Variants in PRKN observed in about 807,000 individuals in gnomAD.
The protein encoded by PRKN is parkin RBR E3 ubiquitin protein ligase, also known as E3 ubiquitin-protein ligase parkin.
Under a neutral mutation model 59.5 loss-of-function variants are expected in PRKN, and 56 were observed. That is an observed-to-expected ratio of 0.94 (90% CI 0.76 to 1.18). The LOEUF (loss-of-function observed/expected upper bound fraction) is 1.18. PRKN is among the 50% of genes most tolerant of loss of function. The probability of loss-of-function intolerance (pLI) is 0.00; values close to 1 mark genes in which losing one functional copy is unlikely to be tolerated. For synonymous variants in PRKN, 250 were observed against 222.1 expected (o/e 1.13, Z -1.12); for missense variants, 657 against 596.4 (o/e 1.10, Z -1.06).
At chr6:161,453,192 C>T (rs916982871) in intron 9 of PRKN, among the ~76,000 whole-genome samples, 2 of 152,108 alleles carry the variant, frequency 1.3e-5, no homozygotes, top group Admixed American at 6.5e-5. Context: ...AGCCTTGAAC[C>T]AGTGAACAGT....
intron 4 of PRKN, among the ~76,000 whole-genome samples, chr6:162,065,822 T>C (rs1490268528): frequency 6.6e-6 from 1 of 152,162 alleles, no homozygotes. Flanking sequence ...CACGCGGTGT[T>C]TGATTTTCTG....
intron 7 of PRKN, among the ~76,000 whole-genome samples, chr6:161,779,264 T>G (rs1790085294): frequency 6.6e-6 from 1 of 152,014 alleles, no homozygotes; most frequent in Admixed American, 6.6e-5. Flanking sequence ...ATAAGATTCA[T>G]AGACATTGAT....
At chr6:162,368,027 G>T (rs1243872012) in intron 2 of PRKN, among the ~76,000 whole-genome samples, 1 of 152,156 alleles carries the variant, frequency 6.6e-6, no homozygotes, top group Non-Finnish European at 1.5e-5. Flanking sequence ...GGGAAGGGTA[G>T]AAAAGAGAAA....
intron 2 of PRKN, among the ~76,000 whole-genome samples, chr6:162,339,181 A>G (rs1289922477): frequency 6.1e-5 from 8 of 131,050 alleles, no homozygotes; most frequent in Middle Eastern, 5.2e-3. Flanking sequence ...CCCGGCAGCC[A>G]CCCCATCTGG....
chr6:161,556,584 A>G (rs1780247754), intron 8 of PRKN, among the ~76,000 whole-genome samples: 1 of 152,228 alleles, frequency 6.6e-6, no homozygotes, highest in African/African-American at 2.4e-5. Context: ...ACAAACTAGC[A>G]CTAATACAGA....
chr6:162,634,419 A>G (rs2128223216), intron 1 of PRKN, among the ~76,000 whole-genome samples: 1 of 152,226 alleles, frequency 6.6e-6, no homozygotes, highest in African/African-American at 2.4e-5. Context: ...CTCAAACCAC[A>G]GCTGCTAGGA....
intron 4 of PRKN, among the ~76,000 whole-genome samples, chr6:162,161,227 C>A (rs887610845): frequency 6.6e-6 from 1 of 152,138 alleles, no homozygotes; most frequent in Non-Finnish European, 1.5e-5. Flanking sequence ...GGATGCGATC[C>A]CCAGAAATCT....
intron 4 of PRKN, among the ~76,000 whole-genome samples, chr6:162,083,453 T>C (rs1779138119): frequency 6.6e-6 from 1 of 152,094 alleles, no homozygotes; most frequent in Non-Finnish European, 1.5e-5. Context: ...TGAAGTGACA[T>C]GCAATAAAGT....
intron 1 of PRKN, among the ~76,000 whole-genome samples, chr6:162,673,714 A>G (rs1403305388): frequency 6.6e-6 from 1 of 152,172 alleles, no homozygotes; most frequent in African/African-American, 2.4e-5. Flanking sequence ...AAATCAAAGT[A>G]AGAGAAAAAA....
intron 9 of PRKN, among the ~76,000 whole-genome samples, chr6:161,427,985 C>A (rs1324326200): frequency 6.6e-6 from 1 of 152,106 alleles, no homozygotes; most frequent in East Asian, 1.9e-4. Context: ...CGGGGATGGG[C>A]TCAGAGGGTC....
At chr6:162,397,089 C>T (rs888032472) in intron 2 of PRKN, among the ~76,000 whole-genome samples, 3 of 152,130 alleles carry the variant, frequency 2.0e-5, no homozygotes, top group South Asian at 2.1e-4. Flanking sequence ...AAGAAAGAGG[C>T]CTTCTCTTCC....
intron 9 of PRKN, among the ~76,000 whole-genome samples, chr6:161,415,680 A>G (rs1787818276): frequency 7.1e-6 from 1 of 141,526 alleles, no homozygotes; most frequent in African/African-American, 2.6e-5. Flanking sequence ...GCAATAGTCT[A>G]ATCTCTCCTG....
In PRKN at chr6:161,475,154, G is replaced by A. The variant is rs1438750356; in HGVS notation, c.1083+73700C>T. Among the ~76,000 whole-genome samples the A allele has an allele frequency of 1.1e-4, 17 of 152,220 alleles. No homozygotes were observed. The highest frequency in any genetic ancestry group is 7.4e-5 in the Non-Finnish European group (5 of 68,020). On this transcript the variant is annotated intron_variant, in intron 9 of 11. Transcript: ENST00000366898. This position sits in a 1 kb window ranked among gnomAD's most constrained non-coding sequence, Gnocchi z 5.3. Reference sequence around the variant, plus strand: ...TCATGATCTGCCTGCCTCTCAAAGCGCTGGGATTGCAGGCATAAGCCACCA... The same window carrying A: ...TCATGATCTGCCTGCCTCTCAAAGCACTGGGATTGCAGGCATAAGCCACCA...
intron 1 of PRKN, chr6:162,568,888 T>G (rs992103331): frequency 1.9e-5 from 13 of 694,190 alleles, no homozygotes; most frequent in Non-Finnish European, 3.2e-5. Flanking sequence ...GAGAATGAAT[T>G]TATCCTCATC....
intron 2 of PRKN, among the ~76,000 whole-genome samples, chr6:162,351,116 A>C (rs1356934163): frequency 6.6e-6 from 1 of 152,110 alleles, no homozygotes; most frequent in Non-Finnish European, 1.5e-5. Flanking sequence ...CTTGAGCCTA[A>C]GGAGGTTGAG....
intron 1 of PRKN, among the ~76,000 whole-genome samples, chr6:162,685,056 A>G (rs1779919439): frequency 6.6e-6 from 1 of 152,182 alleles, no homozygotes; most frequent in Admixed American, 6.5e-5. Context: ...CATGTTCCTA[A>G]CCATGTACAA....
At chr6:161,700,115 T>A (rs1457316007) in intron 7 of PRKN, among the ~76,000 whole-genome samples, 2 of 151,914 alleles carry the variant, frequency 1.3e-5, no homozygotes, top group Non-Finnish European at 2.9e-5. Flanking sequence ...ATGTTCCCCA[T>A]CTTTGAACAT....
At chr6:162,485,159 T>C (rs2128183358) in intron 1 of PRKN, among the ~76,000 whole-genome samples, 1 of 152,316 alleles carries the variant, frequency 6.6e-6, no homozygotes, top group East Asian at 1.9e-4. Flanking sequence ...GGAATATCTT[T>C]AATAAAGTAA....
chr6:162,432,440 C>T (rs538720331), intron 2 of PRKN, among the ~76,000 whole-genome samples: 1 of 152,102 alleles, frequency 6.6e-6, no homozygotes, highest in African/African-American at 2.4e-5. Flanking sequence ...GCAGGAGAAT[C>T]GCTTGAATCC....
Sources: allele counts gnomAD v4.1 joint callset (sites outside exome capture counted in the v4.1 genomes callset), GRCh38; gene constraint gnomAD v4.1.1; non-coding constraint Gnocchi (gnomAD v3.1); transcripts MANE v1.5; gene names NCBI Gene and HGNC (gene_info 2026-07-23, HGNC 2026-07-21).